KHDRBS2: variants seen among roughly 807,000 people sequenced by gnomAD.
KHDRBS2 encodes the protein KH RNA binding domain containing, signal transduction associated 2, also known as KH domain-containing, RNA-binding, signal transduction-associated protein 2.
A neutral mutation model predicts 44.3 loss-of-function variants in KHDRBS2; 26 were observed. The observed-to-expected ratio is 0.59, with a 90% CI of 0.43 to 0.81. KHDRBS2 has a LOEUF of 0.81. Ranked by LOEUF, KHDRBS2 falls within the 40% of genes least tolerant of loss-of-function variation. The pLI, the probability that KHDRBS2 is intolerant of heterozygous loss-of-function variation, is 0.00. For synonymous variants in KHDRBS2, 194 were observed against 151.1 expected (o/e 1.28, Z -2.08); for missense variants, 476 against 433.1 (o/e 1.10, Z -0.88).
At chr6:61,821,237 A>G (rs1222448909) in intron 6 of KHDRBS2, among the ~76,000 whole-genome samples, 1 of 151,990 alleles carries the variant, frequency 6.6e-6, no homozygotes, top group Non-Finnish European at 1.5e-5. Flanking sequence ...GTTAGAATCT[A>G]CTGGGGTGCT....
the KHDRBS2 span, among the ~76,000 whole-genome samples, chr6:61,638,668 T>C: frequency 6.6e-6 from 1 of 152,170 alleles, no homozygotes; most frequent in Admixed American, 6.6e-5. Flanking sequence ...AATTGAGCTG[T>C]CATTTGAAGA....
At chr6:62,006,934 T>A (rs1457041642) in intron 3 of KHDRBS2, among the ~76,000 whole-genome samples, 1 of 152,046 alleles carries the variant, frequency 6.6e-6, no homozygotes, top group Non-Finnish European at 1.5e-5. Flanking sequence ...AGCTTACTGT[T>A]CTGAAATTCA....
At chr6:61,787,064 T>C (rs943421421) in intron 6 of KHDRBS2, among the ~76,000 whole-genome samples, 4 of 149,220 alleles carry the variant, frequency 2.7e-5, no homozygotes, top group African/African-American at 4.9e-5. Flanking sequence ...TAAATATGTA[T>C]ATTAAGCAAG....
At chr6:62,122,957 T>G (rs1430574830) in intron 2 of KHDRBS2, among the ~76,000 whole-genome samples, 1 of 152,108 alleles carries the variant, frequency 6.6e-6, no homozygotes, top group Non-Finnish European at 1.5e-5. Context: ...ACGTGCAGTT[T>G]TGTTACATAG....
intron 6 of KHDRBS2, among the ~76,000 whole-genome samples, chr6:61,735,750 C>G (rs1442913294): frequency 6.6e-6 from 1 of 151,848 alleles, no homozygotes; most frequent in African/African-American, 2.4e-5. Context: ...ATTTATGTTA[C>G]TGGAAATTTT....
intron 1 of KHDRBS2, among the ~76,000 whole-genome samples, chr6:62,252,889 A>G (rs1836775805): frequency 6.6e-6 from 1 of 152,006 alleles, no homozygotes; most frequent in Admixed American, 6.6e-5. Flanking sequence ...AATATTAAGT[A>G]AAACCCACAA....
At chr6:61,669,225 AAC>A in the KHDRBS2 span, among the ~76,000 whole-genome samples, 2 of 151,174 alleles carry the variant, frequency 1.3e-5, no homozygotes, top group African/African-American at 4.8e-5. Context: ...TCAAAAACAC[AAC>A]AGTCTTGACA....
chr6:62,141,310 G>A (rs2150098249), intron 2 of KHDRBS2, among the ~76,000 whole-genome samples: 1 of 152,190 alleles, frequency 6.6e-6, no homozygotes, highest in African/African-American at 2.4e-5. Flanking sequence ...TGACTAAAGA[G>A]TAAACAATAT....
the KHDRBS2 span, among the ~76,000 whole-genome samples, chr6:61,554,236 C>T: frequency 1.9e-4 from 29 of 152,240 alleles, no homozygotes; most frequent in South Asian, 5.8e-3. Flanking sequence ...GAATTGAGCC[C>T]TTAACCATTA....
intron 1 of KHDRBS2, among the ~76,000 whole-genome samples, chr6:62,182,571 C>T (rs1822551202): frequency 6.6e-6 from 1 of 151,750 alleles, no homozygotes; most frequent in African/African-American, 2.4e-5. Flanking sequence ...TACTTCTCTC[C>T]AAATTCATCA....
At chr6:61,752,682 A>G (rs2127569314) in intron 6 of KHDRBS2, among the ~76,000 whole-genome samples, 1 of 106,456 alleles carries the variant, frequency 9.4e-6, no homozygotes, top group Admixed American at 9.4e-5. Context: ...AAAAAAAAAA[A>G]AAAAAAAAAA....
At chr6:62,097,290 C>A (rs1363370112) in intron 2 of KHDRBS2, among the ~76,000 whole-genome samples, 1 of 151,730 alleles carries the variant, frequency 6.6e-6, no homozygotes, top group African/African-American at 2.4e-5. Context: ...CTGCTGATTT[C>A]CTATTTGGAT....
intron 2 of KHDRBS2, among the ~76,000 whole-genome samples, chr6:62,150,962 G>C: frequency 6.6e-6 from 1 of 151,940 alleles, no homozygotes; most frequent in East Asian, 1.9e-4. Context: ...AATTCTCCTA[G>C]GACAATCTTT....
At chr6:61,782,685 T>G (rs1436562096) in intron 6 of KHDRBS2, among the ~76,000 whole-genome samples, 2 of 44,350 alleles carry the variant, frequency 4.5e-5, no homozygotes, top group African/African-American at 1.8e-4. Context: ...TGTATAAAGG[T>G]TGTGTATATA....
chr6:61,818,938 A>G (rs751613953), intron 6 of KHDRBS2, among the ~76,000 whole-genome samples: 29 of 151,976 alleles, frequency 1.9e-4, no homozygotes, highest in Non-Finnish European at 3.8e-4. Context: ...ATTCTTATGT[A>G]TGTTACTAGG....
Position 61,948,654 on chromosome 6 carries a change from CATTATTATT to C in KHDRBS2, c.483+29403_483+29411del, listed in dbSNP as rs145017316. On this transcript the variant is annotated intron_variant, in intron 4 of 8. Transcript: ENST00000281156. ...TGTGTTGATAAGCACTATATTCTCA[CATTATTATT>C]ATTATTATTATTATTATTATTATTA... Among the ~76,000 whole-genome samples the C allele has an allele frequency of 4.1e-3, 578 of 141,580 alleles. 2 individuals are homozygous for C. Among genetic ancestry groups the C allele is most frequent in the African/African-American group, 0.01 (395 of 38,528 alleles). The allele number at this position is 141,580 out of a possible 152,430, so 92.9% of individuals were successfully genotyped here. A position where few individuals can be genotyped will look rare whatever the true frequency, so the allele number is the denominator to read the frequency against.
At chr6:62,182,120 G>T (rs1282703378) in intron 1 of KHDRBS2, among the ~76,000 whole-genome samples, 1 of 151,968 alleles carries the variant, frequency 6.6e-6, no homozygotes, top group Admixed American at 6.6e-5. Context: ...CCAAGATTTT[G>T]AATTTTCTTG....
chr6:61,777,659 T>A (rs1368759938), intron 6 of KHDRBS2, among the ~76,000 whole-genome samples: 2 of 152,100 alleles, frequency 1.3e-5, no homozygotes, highest in Non-Finnish European at 2.9e-5. Flanking sequence ...AGGACATTAG[T>A]ACATTGATGC....
At chr6:61,770,982 G>T (rs1270249881) in intron 6 of KHDRBS2, among the ~76,000 whole-genome samples, 1 of 152,164 alleles carries the variant, frequency 6.6e-6, no homozygotes, top group African/African-American at 2.4e-5. Context: ...ACTAACAGCG[G>T]ATCTCTTGGC....
Sources: allele counts gnomAD v4.1 joint callset (sites outside exome capture counted in the v4.1 genomes callset), GRCh38; gene constraint gnomAD v4.1.1; transcripts MANE v1.5; gene names NCBI Gene and HGNC (gene_info 2026-07-23, HGNC 2026-07-21).